The following RTN4 variants were observed in gnomAD, a reference collection of about 807,000 sequenced individuals.
RTN4 encodes the protein reticulon 4, also known as reticulon-4.
RTN4 carries 32 observed loss-of-function variants against 90.4 expected under a neutral mutation model. The observed-to-expected ratio is 0.35, with a 90% CI of 0.27 to 0.48. The LOEUF (loss-of-function observed/expected upper bound fraction) is 0.48. Among genes scored for constraint, RTN4 ranks in the 20% least tolerant of loss-of-function variants. The pLI is 0.99. For missense variants in RTN4, 1,706 were observed against 1,430.2 expected, an observed-to-expected ratio of 1.19 and a Z score of -3.11; for synonymous variants, 629 against 552.5, an observed-to-expected ratio of 1.14 and a Z score of -1.94.
At chr2:55,075,003 C>G (rs554163029) in intron 2 of RTN4, among the ~76,000 whole-genome samples, 1 of 152,130 alleles carries the variant, frequency 6.6e-6, no homozygotes, top group Non-Finnish European at 1.5e-5. Context: ...AGGTATTGCC[C>G]CTGATAACTG....
At chr2:55,106,618 C>T (rs1667948766) in intron 1 of RTN4, among the ~76,000 whole-genome samples, 1 of 151,976 alleles carries the variant, frequency 6.6e-6, no homozygotes, top group Admixed American at 6.6e-5. Flanking sequence ...TTCCTGGGTT[C>T]AAGTGATTCT....
intron 1 of RTN4, among the ~76,000 whole-genome samples, chr2:55,034,815 A>G (rs1283393310): frequency 6.6e-6 from 1 of 152,232 alleles, no homozygotes; most frequent in African/African-American, 2.4e-5. Context: ...TACAATAACT[A>G]TAATACATTT....
intron 3 of RTN4, among the ~76,000 whole-genome samples, chr2:55,022,571 A>G (rs1279073022): frequency 6.6e-6 from 1 of 151,950 alleles, no homozygotes; most frequent in East Asian, 1.9e-4. Flanking sequence ...TATTTCAGAG[A>G]CCTTGGGCAA....
intron 5 of RTN4, among the ~76,000 whole-genome samples, chr2:54,976,285 C>G (rs990229546): frequency 2.0e-5 from 3 of 152,190 alleles, no homozygotes; most frequent in Non-Finnish European, 4.4e-5. Flanking sequence ...CCCAAGACTT[C>G]ACACCTGAGC....
intron 2 of RTN4, among the ~76,000 whole-genome samples, chr2:55,058,945 T>C (rs974832765): frequency 1.3e-5 from 2 of 152,080 alleles, no homozygotes; most frequent in African/African-American, 4.8e-5. Context: ...TGAGCTCAAG[T>C]GATCGTCGCC....
intron 3 of RTN4, among the ~76,000 whole-genome samples, chr2:54,992,091 T>C (rs1009337516): frequency 1.8e-4 from 27 of 152,090 alleles, no homozygotes; most frequent in African/African-American, 6.3e-4. Flanking sequence ...TTCCAGCACT[T>C]TGGGAGGCCG....
intron 3 of RTN4, among the ~76,000 whole-genome samples, chr2:55,004,566 A>G (rs1680072556): frequency 6.6e-6 from 1 of 152,162 alleles, no homozygotes; most frequent in South Asian, 2.1e-4. Context: ...AAGAAGGGGA[A>G]AAGTGGGGGA....
intron 1 of RTN4, among the ~76,000 whole-genome samples, chr2:55,095,895 G>C (rs1392978302): frequency 6.6e-6 from 1 of 152,146 alleles, no homozygotes; most frequent in Admixed American, 6.5e-5. Context: ...TGACAGTTTT[G>C]AGCAGGGACT....
At chr2:54,975,232 G>A (rs570770535) in intron 5 of RTN4, among the ~76,000 whole-genome samples, 104 of 152,318 alleles carry the variant, frequency 6.8e-4, no homozygotes, top group African/African-American at 2.4e-3. Flanking sequence ...GGGAAATTAC[G>A]TTTCAGGTAC....
intron 5 of RTN4, among the ~76,000 whole-genome samples, chr2:54,979,855 G>C (rs943819605): frequency 6.6e-6 from 1 of 152,128 alleles, no homozygotes; most frequent in African/African-American, 2.4e-5. Flanking sequence ...TTGCCAGCTG[G>C]GGAAGTCACC....
intron 4 of RTN4, 45 bp downstream of exon 4, chr2:54,987,446 G>T: frequency 1.5e-6 from 2 of 1,343,032 alleles, no homozygotes; most frequent in Non-Finnish European, 2.1e-6. Flanking sequence ...TACCAATCCT[G>T]TTTACACTAT....
chr2:55,035,480 G>A lies in RTN4; in HGVS notation c.557-7260C>T, dbSNP rs1036110947. Among the ~76,000 whole-genome samples the A allele has an allele frequency of 2.0e-5, 3 of 151,626 alleles. No individual in the cohort carries two copies. The East Asian group carries it at 6.3e-4, about 32-fold the overall frequency. On this transcript the variant is annotated intron_variant, in intron 1 of 8. Coordinates refer to ENST00000337526, the MANE Select transcript of RTN4 (RefSeq NM_020532.5). ...GTGGGATGCAGCAAAGTAATGCTTA[G>A]AGAGAAATGTATAGCTTTTAAATGC...
In RTN4 at chr2:55,074,527, A is replaced by G. The variant is rs545144817; in HGVS notation, c.-63+5962T>C. Among the ~76,000 whole-genome samples, 9 of 151,858 alleles carry G rather than the reference A, an allele frequency of 5.9e-5. No individual in the cohort carries two copies. In the East Asian group the frequency reaches 1.7e-3, roughly 29 times the overall value. The stretch of plus-strand genomic sequence containing the variant: ...CCCTGCTGCCCTCACCAAAAAAAAA[A>G]AAAAAAAAAGAAAATATGGAGAAAG... On this transcript the variant is annotated intron_variant, in intron 2 of 3. Coordinates refer to the RTN4 transcript ENST00000427710.
At chr2:55,104,442 T>A (rs1017292595) in intron 1 of RTN4, among the ~76,000 whole-genome samples, 1 of 152,004 alleles carries the variant, frequency 6.6e-6, no homozygotes, top group African/African-American at 2.4e-5. Context: ...AACCTCCGCC[T>A]CCTGGGTTCA....
chr2:55,002,782 C>T (rs945206174), intron 3 of RTN4, among the ~76,000 whole-genome samples: 9 of 152,186 alleles, frequency 5.9e-5, no homozygotes, highest in Middle Eastern at 3.4e-3. Flanking sequence ...CTCACTTTAA[C>T]GATTTTTCAA....
At chr2:55,107,563 G>C (rs1377953153) in intron 1 of RTN4, among the ~76,000 whole-genome samples, 1 of 152,008 alleles carries the variant, frequency 6.6e-6, no homozygotes, top group African/African-American at 2.4e-5. Context: ...TTTTGTGGTG[G>C]CTAGGAATCC....
chr2:55,118,286 G>A, the RTN4 span, among the ~76,000 whole-genome samples: 1 of 152,070 alleles, frequency 6.6e-6, no homozygotes, highest in Non-Finnish European at 1.5e-5. Flanking sequence ...GCAACATACT[G>A]GGACCTTGCC....
chr2:54,986,260 A>G (rs1368054767), intron 4 of RTN4, among the ~76,000 whole-genome samples: 3 of 152,224 alleles, frequency 2.0e-5, no homozygotes, highest in African/African-American at 4.8e-5. Flanking sequence ...CATCATCTGT[A>G]AGAACTGAAG....
chr2:55,009,882 A>T (rs1680505700), intron 3 of RTN4, among the ~76,000 whole-genome samples: 1 of 151,832 alleles, frequency 6.6e-6, no homozygotes, highest in Non-Finnish European at 1.5e-5. Flanking sequence ...GACTAAACCG[A>T]ATGCCAGTGA....
Sources: gnomAD v4.1 joint callset for allele counts (sites outside exome capture counted in the v4.1 genomes callset) on GRCh38, gnomAD v4.1.1 for gene constraint, MANE v1.5 for transcripts, NCBI Gene and HGNC (gene_info 2026-07-23, HGNC 2026-07-21) for gene names.